The following CRB1 variants were observed in gnomAD, a reference collection of about 807,000 sequenced individuals.
CRB1 encodes the protein crumbs cell polarity complex component 1, also known as protein crumbs homolog 1.
A neutral mutation model predicts 120.0 loss-of-function variants in CRB1; 83 were observed. The observed-to-expected ratio is 0.69, with a 90% CI of 0.58 to 0.83. The LOEUF (loss-of-function observed/expected upper bound fraction) is 0.83, where lower values mean the gene tolerates loss of function less well. CRB1 is among the 40% of genes least tolerant of loss of function. The pLI is 0.00. For synonymous variants in CRB1, 625 were observed against 612.5 expected, an observed-to-expected ratio of 1.02 and a Z score of -0.30; for missense variants, 1,699 against 1,687.6, an observed-to-expected ratio of 1.01 and a Z score of -0.12.
rs77786844 is a variant in CRB1, at chr1:197,271,620, T to G, written c.70+3138T>G. ...TTTAATAATTCAAGAAGAGCTATTA[T>G]TTTTTGCTTCTGATGTATTAAAAGA... is the stretch of plus-strand genomic sequence containing the variant. On this transcript the variant is annotated intron_variant, in intron 1 of 11. Transcript: ENST00000367400. Among the ~76,000 whole-genome samples the G allele has an allele frequency of 5.7e-4, 87 of 152,320 alleles. 1 individual carries two copies. The East Asian group carries it at 0.017, about 29-fold the overall frequency.
At chr1:197,434,671 T>TA (rs760471211) in intron 8 of CRB1, 35 bp from the exon 9 acceptor site, 2 of 1,570,156 alleles carry the variant, frequency 1.3e-6, no homozygotes, top group African/African-American at 2.7e-5. Context: ...ATAGATTTAA[T>TA]AAAGTTATTG....
intron 1 of CRB1, among the ~76,000 whole-genome samples, chr1:197,313,795 A>G (rs775221049): frequency 6.6e-6 from 1 of 152,186 alleles, no homozygotes; most frequent in African/African-American, 2.4e-5. Context: ...TTTTTGTGGT[A>G]TATATACTAC....
chr1:197,433,828 C>G (rs1192104029), intron 8 of CRB1, among the ~76,000 whole-genome samples: 1 of 152,074 alleles, frequency 6.6e-6, no homozygotes, highest in Middle Eastern at 3.2e-3. Context: ...GGTGGGAATA[C>G]AGACAATACG....
At chr1:197,290,926 A>G (rs1656138097) in intron 1 of CRB1, among the ~76,000 whole-genome samples, 1 of 151,740 alleles carries the variant, frequency 6.6e-6, no homozygotes, top group Non-Finnish European at 1.5e-5. Context: ...TGTATTTTTA[A>G]TTGTAATGAG....
At chr1:197,357,173 A>G in intron 5 of CRB1, 160 bp downstream of exon 5, 1 of 733,318 alleles carries the variant, frequency 1.4e-6, no homozygotes, top group East Asian at 2.7e-5. Context: ...ATCTTGTTTC[A>G]CATTTCAGAA....
intron 1 of CRB1, among the ~76,000 whole-genome samples, chr1:197,287,183 A>G (rs1392534585): frequency 6.6e-6 from 1 of 151,924 alleles, no homozygotes; most frequent in East Asian, 1.9e-4. Flanking sequence ...AGAAATGAGA[A>G]AAGCAGAACT....
At chr1:197,294,611 G>A (rs906000561) in intron 1 of CRB1, among the ~76,000 whole-genome samples, 19 of 152,036 alleles carry the variant, frequency 1.2e-4, no homozygotes, top group Non-Finnish European at 2.4e-4. Context: ...GCACACATAC[G>A]TTTATTGCGG....
At chr1:197,417,382 G>A (rs925151426) in intron 5 of CRB1, among the ~76,000 whole-genome samples, 16 of 152,358 alleles carry the variant, frequency 1.1e-4, no homozygotes, top group South Asian at 1.0e-3. Flanking sequence ...TTAAGGGTAC[G>A]TGAATCCTGT....
At chr1:197,433,066 T>C (rs1664952253) in intron 8 of CRB1, among the ~76,000 whole-genome samples, 1 of 151,832 alleles carries the variant, frequency 6.6e-6, no homozygotes, top group Non-Finnish European at 1.5e-5. Context: ...ATGAATTTTT[T>C]TTTTTTTTGA....
chr1:197,276,378 ATTT>A (rs950640565), intron 1 of CRB1, among the ~76,000 whole-genome samples: 6 of 151,568 alleles, frequency 4.0e-5, no homozygotes, highest in African/African-American at 9.7e-5. Context: ...TTATTCCATA[ATTT>A]TTTTATTTAC....
At chr1:197,444,043 AC>A in intron 11 of CRB1, 1 of 152,280 alleles carries the variant, frequency 6.6e-6, no homozygotes, top group Admixed American at 6.5e-5. Flanking sequence ...AAACATGAGG[AC>A]AGTTTATCCA....
intron 7 of CRB1, chr1:197,429,094 T>C: frequency 6.6e-7 from 1 of 1,510,580 alleles, no homozygotes; most frequent in Non-Finnish European, 8.9e-7. Context: ...CTTTTTATCA[T>C]CTATAAAACC....
chr1:197,377,679 A>G (rs1004137236), intron 5 of CRB1, among the ~76,000 whole-genome samples: 8 of 152,204 alleles, frequency 5.3e-5, no homozygotes, highest in African/African-American at 1.4e-4. Context: ...CTAACACCTT[A>G]TCTTTAAGTT....
intron 2 of CRB1, among the ~76,000 whole-genome samples, chr1:197,334,705 C>T (rs1187913439): frequency 1.3e-5 from 2 of 152,098 alleles, no homozygotes; most frequent in Non-Finnish European, 2.9e-5. Flanking sequence ...TCTGTTATAC[C>T]AGCACCAGAT....
chr1:197,256,595 A>G, the CRB1 span, among the ~76,000 whole-genome samples: 1 of 152,116 alleles, frequency 6.6e-6, no homozygotes, highest in East Asian at 1.9e-4. Context: ...AAGGGCTCCA[A>G]GTGGAGTAAA....
chr1:197,328,041 A>G (rs1012285134), intron 1 of CRB1, among the ~76,000 whole-genome samples: 2 of 152,262 alleles, frequency 1.3e-5, no homozygotes, highest in African/African-American at 4.8e-5. Context: ...GTCTGAAAAT[A>G]GCAATTAAAC....
chr1:197,369,114 G>T (rs1661232303), intron 5 of CRB1, among the ~76,000 whole-genome samples: 1 of 152,050 alleles, frequency 6.6e-6, no homozygotes, highest in African/African-American at 2.4e-5. Context: ...TCTAGTGTGT[G>T]TTTACTACTC....
chr1:197,319,956 T>G (rs777423573), intron 1 of CRB1, among the ~76,000 whole-genome samples: 29 of 152,334 alleles, frequency 1.9e-4, no homozygotes, highest in Admixed American at 8.5e-4. Context: ...TAGCATCCTC[T>G]TGGAGGATGA....
intron 11 of CRB1, among the ~76,000 whole-genome samples, chr1:197,453,786 A>T (rs1373011460): frequency 7.0e-6 from 1 of 143,512 alleles, no homozygotes; most frequent in African/African-American, 2.6e-5. Flanking sequence ...TTATTATTAT[A>T]TTATTAATAT....
Sources: gnomAD v4.1 joint callset for allele counts (sites outside exome capture counted in the v4.1 genomes callset) on GRCh38, gnomAD v4.1.1 for gene constraint, MANE v1.5 for transcripts, NCBI Gene and HGNC (gene_info 2026-07-23, HGNC 2026-07-21) for gene names.